The following SGCD variants were observed in gnomAD, a reference collection of about 807,000 sequenced individuals.
The protein encoded by SGCD is sarcoglycan delta, also known as delta-sarcoglycan.
A neutral mutation model predicts 36.6 loss-of-function variants in SGCD; 18 were observed. That is an observed-to-expected ratio of 0.49 (90% CI 0.34 to 0.73). The LOEUF is 0.73. SGCD is among the 30% of genes least tolerant of loss of function. The probability of loss-of-function intolerance (pLI) is 0.01; values close to 1 mark genes in which losing one functional copy is unlikely to be tolerated. For missense variants in SGCD, 387 were observed against 346.7 expected (o/e 1.12, Z -0.92); for synonymous variants, 133 against 130.6 (o/e 1.02, Z -0.12).
At chr5:156,146,083 G>A (rs1358622840) in intron 3 of SGCD, among the ~76,000 whole-genome samples, 2 of 152,040 alleles carry the variant, frequency 1.3e-5, no homozygotes, top group East Asian at 1.9e-4. Flanking sequence ...CGTAGTTGTG[G>A]GCGCCTGTAG....
intron 3 of SGCD, among the ~76,000 whole-genome samples, chr5:156,481,084 A>G (rs992129419): frequency 1.3e-5 from 2 of 152,250 alleles, no homozygotes; most frequent in African/African-American, 2.4e-5. Flanking sequence ...GCACAGTAAT[A>G]GTATGACTCC....
At chr5:155,891,067 A>G (rs1756117546) in intron 1 of SGCD, among the ~76,000 whole-genome samples, 1 of 152,202 alleles carries the variant, frequency 6.6e-6, no homozygotes, top group Non-Finnish European at 1.5e-5. Context: ...CCTAGGGAGG[A>G]ACATGACATG....
chr5:156,580,882 C>T (rs1432658830), intron 4 of SGCD, among the ~76,000 whole-genome samples: 2 of 152,108 alleles, frequency 1.3e-5, no homozygotes, highest in African/African-American at 2.4e-5. Flanking sequence ...TTATTACCAA[C>T]CTTCTGAAGC....
At chr5:156,529,446 G>T (rs995623036) in intron 4 of SGCD, among the ~76,000 whole-genome samples, 7 of 143,824 alleles carry the variant, frequency 4.9e-5, no homozygotes, top group African/African-American at 1.8e-4. Flanking sequence ...AAAAAAAAAG[G>T]CACATGTTTT....
At chr5:155,874,475 G>A (rs1317334728) in intron 1 of SGCD, among the ~76,000 whole-genome samples, 1 of 152,134 alleles carries the variant, frequency 6.6e-6, no homozygotes, top group Non-Finnish European at 1.5e-5. Context: ...AATGAAGTCA[G>A]TGCACAGAAG....
intron 7 of SGCD, among the ~76,000 whole-genome samples, chr5:156,711,495 G>A (rs1043755255): frequency 4.6e-5 from 7 of 152,130 alleles, no homozygotes; most frequent in Non-Finnish European, 1.0e-4. Context: ...CAGTATCAAC[G>A]TAAGTACTTT....
chr5:156,234,469 G>A (rs536398910), intron 3 of SGCD, among the ~76,000 whole-genome samples: 1 of 152,084 alleles, frequency 6.6e-6, no homozygotes, highest in Admixed American at 6.6e-5. Context: ...GCTCTATGGA[G>A]GTTCATTAGA....
At chr5:156,292,040 C>T (rs1766771672) in intron 3 of SGCD, among the ~76,000 whole-genome samples, 1 of 152,052 alleles carries the variant, frequency 6.6e-6, no homozygotes, top group African/African-American at 2.4e-5. Context: ...CTACTCTCTG[C>T]TTCTATGACT....
At chr5:156,354,529 G>A (rs145104936) in intron 3 of SGCD, among the ~76,000 whole-genome samples, 4 of 152,260 alleles carry the variant, frequency 2.6e-5, no homozygotes, top group African/African-American at 7.2e-5. Flanking sequence ...GACAATATTC[G>A]TGACCTTTTC....
intron 1 of SGCD, among the ~76,000 whole-genome samples, chr5:155,935,262 C>T (rs373856786): frequency 1.3e-5 from 2 of 152,212 alleles, no homozygotes; most frequent in South Asian, 4.1e-4. Context: ...ATCCTAGTGA[C>T]TTTTGTTTAT....
At chr5:156,191,463 A>G (rs1229331311) in intron 3 of SGCD, among the ~76,000 whole-genome samples, 1 of 152,162 alleles carries the variant, frequency 6.6e-6, no homozygotes, top group Non-Finnish European at 1.5e-5. Flanking sequence ...AGTTATGTTC[A>G]GAATGTTAGG....
At chr5:156,606,188 T>C (rs1354791972) in intron 6 of SGCD, among the ~76,000 whole-genome samples, 1 of 152,228 alleles carries the variant, frequency 6.6e-6, no homozygotes, top group East Asian at 1.9e-4. Flanking sequence ...GGTCTAACAT[T>C]TAAGTCTTTA....
intron 1 of SGCD, among the ~76,000 whole-genome samples, chr5:155,983,487 A>AT (rs1385290145): frequency 6.6e-6 from 1 of 152,114 alleles, no homozygotes; most frequent in African/African-American, 2.4e-5. Flanking sequence ...TTTAGTAGAG[A>AT]TGGGGTTTCA....
chr5:155,792,433 C>CAAAAAAAAAA, the SGCD span, among the ~76,000 whole-genome samples: 8 of 92,304 alleles, frequency 8.7e-5, no homozygotes, highest in Admixed American at 1.3e-4. Flanking sequence ...TTCTACATAG[C>CAAAAAAAAAA]AAAAAAAAAA....
chr5:156,167,819 A>C (rs1763249554), intron 3 of SGCD, among the ~76,000 whole-genome samples: 1 of 152,226 alleles, frequency 6.6e-6, no homozygotes. Context: ...CTGTAGAATC[A>C]TGAGCCAAGT....
chr5:156,369,921 C>T (rs1770295600), intron 3 of SGCD, among the ~76,000 whole-genome samples: 1 of 152,192 alleles, frequency 6.6e-6, no homozygotes, highest in Admixed American at 6.5e-5. Context: ...GCTTTCTCTT[C>T]ACAGTCATTA....
intron 7 of SGCD, among the ~76,000 whole-genome samples, chr5:156,700,958 A>AAAG (rs1554130995): frequency 6.6e-6 from 1 of 151,022 alleles, no homozygotes; most frequent in African/African-American, 2.4e-5. Flanking sequence ...AAAAAAAAAA[A>AAAG]AGAGAGAGAG....
At chr5:156,035,228 G>T (rs543414516) in intron 1 of SGCD, among the ~76,000 whole-genome samples, 19 of 152,078 alleles carry the variant, frequency 1.2e-4, no homozygotes, top group Non-Finnish European at 2.4e-4. Flanking sequence ...TAAAGTTTGG[G>T]ATTGAATTCT....
intron 3 of SGCD, among the ~76,000 whole-genome samples, chr5:156,142,616 C>T (rs1483710788): frequency 6.6e-6 from 1 of 152,164 alleles, no homozygotes; most frequent in Non-Finnish European, 1.5e-5. Context: ...GAGAAAAGGT[C>T]ACTTTTGCTA....
Sources: allele counts gnomAD v4.1 joint callset (sites outside exome capture counted in the v4.1 genomes callset), GRCh38; gene constraint gnomAD v4.1.1; transcripts MANE v1.5; gene names NCBI Gene and HGNC (gene_info 2026-07-23, HGNC 2026-07-21).